UBAP1: variants seen among roughly 807,000 people sequenced by gnomAD.
UBAP1 encodes the protein ubiquitin-associated protein 1.
Under a neutral mutation model 39.0 loss-of-function variants are expected in UBAP1, and 5 were observed. The ratio of observed to expected loss-of-function variants is 0.13; its 90% CI spans 0.07 to 0.27. The LOEUF is 0.27. UBAP1 is among the 10% of genes least tolerant of loss of function. UBAP1 has a pLI of 1.00. For missense variants in UBAP1, 490 were observed against 608.1 expected (o/e 0.81, Z 2.04); for synonymous variants, 211 against 225.1 (o/e 0.94, Z 0.56).
chr9:34,222,984 A>G (rs1253065813), intron 2 of UBAP1, among the ~76,000 whole-genome samples: 3 of 152,238 alleles, frequency 2.0e-5, no homozygotes, highest in African/African-American at 7.2e-5. Context: ...TTCAAAAGAT[A>G]GACTTTCTGT....
At chr9:34,179,333 C>T (rs924632803) in intron 1 of UBAP1, 93 bp downstream of exon 1, 5 of 958,138 alleles carry the variant, frequency 5.2e-6, no homozygotes, top group Non-Finnish European at 6.8e-6. Context: ...GATGGGGGGC[C>T]GAGCGAGGTG....
chr9:34,185,481 C>T (rs964854155), intron 1 of UBAP1, among the ~76,000 whole-genome samples: 1 of 152,056 alleles, frequency 6.6e-6, no homozygotes, highest in African/African-American at 2.4e-5. Flanking sequence ...CTCAGGAAGT[C>T]GAGGCTGCAG....
intron 1 of UBAP1, among the ~76,000 whole-genome samples, chr9:34,198,555 A>G: frequency 6.6e-6 from 1 of 152,198 alleles, no homozygotes; most frequent in Admixed American, 6.5e-5. Context: ...TTGGATAGAC[A>G]TGCCGCAGAT....
chr9:34,235,307 A>ATATGTG (rs921062247), intron 3 of UBAP1, among the ~76,000 whole-genome samples: 3 of 140,374 alleles, frequency 2.1e-5, no homozygotes, highest in Admixed American at 7.2e-5. Context: ...GTATATATAT[A>ATATGTG]TGTGTGTGTG....
intron 1 of UBAP1, 141 bp from the exon 2 acceptor site, chr9:34,220,767 T>C: frequency 1.5e-6 from 1 of 649,454 alleles, no homozygotes; most frequent in Non-Finnish European, 2.6e-6. Context: ...CTGGATCTTT[T>C]TTTTGGACTT....
At chr9:34,222,638 A>AT (rs1308042846) in intron 2 of UBAP1, among the ~76,000 whole-genome samples, 3 of 152,016 alleles carry the variant, frequency 2.0e-5, no homozygotes, top group Non-Finnish European at 2.9e-5. Context: ...CTACAAAAAA[A>AT]TTTTAAAAAT....
intron 2 of UBAP1, among the ~76,000 whole-genome samples, chr9:34,223,518 G>A (rs1051426992): frequency 1.5e-4 from 23 of 152,042 alleles, no homozygotes; most frequent in Admixed American, 4.6e-4. Context: ...GCAGTAGCAC[G>A]ATCTTGGCTC....
In UBAP1 at chr9:34,179,070, G is replaced by C. The variant is rs372322970; in HGVS notation, c.-178G>C. On this transcript the variant is annotated 5_prime_UTR_variant, in exon 1 of 7. Transcript: ENST00000297661. ...GAAGTAGGACTTCAACATGGCGGCT[G>C]CGGCACTGGCGGTGGCTACGGTGAC... 1.6e-5 allele frequency: 20 copies of C among 1,277,008 alleles called. No individual in the cohort carries two copies. Among genetic ancestry groups the C allele is most frequent in the Non-Finnish European group, 1.9e-5 (19 of 1,010,390 alleles). The allele number at this position is 1,277,008 out of a possible 1,614,324, so 79.1% of individuals were successfully genotyped here.
At chr9:34,232,218 C>T (rs1833461276) in intron 2 of UBAP1, among the ~76,000 whole-genome samples, 2 of 152,076 alleles carry the variant, frequency 1.3e-5, no homozygotes, top group Non-Finnish European at 1.5e-5. Flanking sequence ...TAGTCTAGAA[C>T]TCCTGACCTC....
chr9:34,182,617 TTCTTTCTTTCTTTCTTTCTTTC>T (rs1159870806), intron 1 of UBAP1, among the ~76,000 whole-genome samples: 6 of 25,336 alleles, frequency 2.4e-4, no homozygotes, highest in African/African-American at 1.1e-3. Context: ...CTTTCTTTCC[TTCTTTCTTTCTTTCTTTCTTTC>T]TTTCTTTCTT....
Position 34,250,724 on chromosome 9 carries a change from G to A in UBAP1, c.1333G>A (p.Glu445Lys), listed in dbSNP as rs1834449762. Residue 445 changes from glutamate to lysine, a missense_variant, in exon 6 of 7, where the codon GAG becomes AAG. By Grantham distance (56) the Glu-to-Lys change is moderately conservative (BLOSUM62 1). Transcript: ENST00000297661. ...GGGCTTCGACCCTCTTTTAGTGGAA[G>A]AGGCTCTGGAAATGCACCAGTGTTC... The part of the protein sequence containing the change: ...EKGFDPLLVE[E>K]ALEMHQCSEE... 1.9e-6 allele frequency: 3 copies of A among 1,613,732 alleles called. No homozygotes were observed. Among genetic ancestry groups the A allele is most frequent in the Non-Finnish European group, 2.5e-6 (3 of 1,179,686 alleles).
chr9:34,199,198 C>T (rs967591541), intron 1 of UBAP1, among the ~76,000 whole-genome samples: 1 of 152,062 alleles, frequency 6.6e-6, no homozygotes, highest in African/African-American at 2.4e-5. Context: ...CTCAGCCTCC[C>T]GAGTAGCTGG....
intron 1 of UBAP1, among the ~76,000 whole-genome samples, chr9:34,212,716 T>A (rs569248800): frequency 3.1e-3 from 134 of 43,356 alleles, no homozygotes; most frequent in African/African-American, 7.6e-3. Flanking sequence ...AATGGTAATT[T>A]AAAAATTACC....
intron 1 of UBAP1, among the ~76,000 whole-genome samples, chr9:34,212,833 A>G (rs1832093652): frequency 6.6e-6 from 1 of 152,210 alleles, no homozygotes; most frequent in African/African-American, 2.4e-5. Context: ...TAAAGAAGGA[A>G]CCATGCCTAA....
chr9:34,208,730 A>G (rs1023979851), intron 1 of UBAP1, among the ~76,000 whole-genome samples: 32 of 148,218 alleles, frequency 2.2e-4, no homozygotes, highest in Admixed American at 1.3e-3. Flanking sequence ...GTGAGCCGAG[A>G]TGGCACCACT....
At chr9:34,191,205 A>G (rs565225429) in intron 1 of UBAP1, among the ~76,000 whole-genome samples, 1 of 152,226 alleles carries the variant, frequency 6.6e-6, no homozygotes, top group South Asian at 2.1e-4. Context: ...GTGTATGGAT[A>G]ACTTGGATGT....
chr9:34,222,048 G>T (rs1832788716), intron 2 of UBAP1, among the ~76,000 whole-genome samples: 1 of 152,106 alleles, frequency 6.6e-6, no homozygotes, highest in Non-Finnish European at 1.5e-5. Context: ...AGGATTGCTT[G>T]ATCCCAGAAG....
intron 2 of UBAP1, among the ~76,000 whole-genome samples, chr9:34,226,460 C>T (rs1014892923): frequency 1.3e-5 from 2 of 152,090 alleles, no homozygotes; most frequent in African/African-American, 2.4e-5. Flanking sequence ...TGGTTTTGAA[C>T]TCTTGACCTC....
chr9:34,234,871 T>C (rs535901721), intron 3 of UBAP1, among the ~76,000 whole-genome samples: 1 of 152,262 alleles, frequency 6.6e-6, no homozygotes, highest in South Asian at 2.1e-4. Flanking sequence ...TTTCTACTTA[T>C]TAAAAAAGTT....
Sources: gnomAD v4.1 joint callset for allele counts (sites outside exome capture counted in the v4.1 genomes callset) on GRCh38, gnomAD v4.1.1 for gene constraint, MANE v1.5 for transcripts, NCBI Gene and HGNC (gene_info 2026-07-23, HGNC 2026-07-21) for gene names.